The following OMA1 variants were observed in gnomAD, a reference collection of about 807,000 sequenced individuals.
OMA1 encodes metalloendopeptidase OMA1, mitochondrial.
In OMA1, 38 loss-of-function variants were observed where a neutral mutation model predicts 30.9. The ratio of observed to expected loss-of-function variants is 1.23; its 90% confidence interval spans 0.95 to 1.61. The LOEUF (loss-of-function observed/expected upper bound fraction) is 1.61, where lower values mean the gene tolerates loss of function less well. Ranked by LOEUF, OMA1 falls within the 40% of genes most tolerant of loss-of-function variation. OMA1 has a pLI of 0.00. For missense variants in OMA1, 461 were observed against 349.2 expected, an observed-to-expected ratio of 1.32 and a Z score of -2.55; for synonymous variants, 173 against 121.9, an observed-to-expected ratio of 1.42 and a Z score of -2.76.
chr1:58,492,116 A>G (rs1227233849), intron 8 of OMA1, among the ~76,000 whole-genome samples: 2 of 152,212 alleles, frequency 1.3e-5, no homozygotes, highest in African/African-American at 4.8e-5. Context: ...AAACCCACTC[A>G]AAACCACTCA....
rs1309574574 is a variant in OMA1 at position 58,497,338 on chromosome 1, A to AAGAT, written c.1365+8721_1365+8722insATCT. On this transcript the variant is annotated intron_variant, in intron 8 of 8. Coordinates refer to ENST00000371226, the MANE Select transcript of OMA1 (RefSeq NM_145243.5). ...ATCCTAATTTAAACAGGCCAACTGTAACACTGCTGAGATACAGAAATCTGA... is the reference window on the plus strand; with the variant it reads ...ATCCTAATTTAAACAGGCCAACTGTAAGATACACTGCTGAGATACAGAAATCTGA... 6.6e-4 allele frequency among the ~76,000 whole-genome samples: 101 copies of AAGAT among 152,334 alleles called. 2 individuals carry two copies. In the East Asian group the frequency reaches 0.012, roughly 18 times the overall value.
intron 7 of OMA1, among the ~76,000 whole-genome samples, chr1:58,507,622 T>C (rs1221178902): frequency 6.6e-6 from 1 of 152,030 alleles, no homozygotes; most frequent in Non-Finnish European, 1.5e-5. Flanking sequence ...GATAAATGTA[T>C]ATAACAAACA....
At chr1:58,518,164 C>T (rs1181692141) in intron 7 of OMA1, among the ~76,000 whole-genome samples, 1 of 129,766 alleles carries the variant, frequency 7.7e-6, no homozygotes, top group Non-Finnish European at 1.6e-5. Context: ...CCAGCCTGGG[C>T]AACAAAAGTG....
chr1:58,488,519 T>A (rs1645615991), intron 8 of OMA1, among the ~76,000 whole-genome samples: 1 of 152,184 alleles, frequency 6.6e-6, no homozygotes, highest in South Asian at 2.1e-4. Flanking sequence ...TGGCGCGATC[T>A]CAGATCACTG....
intron 7 of OMA1, among the ~76,000 whole-genome samples, chr1:58,521,992 T>C (rs925599125): frequency 2.0e-5 from 3 of 152,176 alleles, no homozygotes; most frequent in Admixed American, 6.5e-5. Context: ...CCTTTGAACA[T>C]AGGATAAACA....
chr1:58,496,501 T>C (rs1249292475), intron 8 of OMA1, among the ~76,000 whole-genome samples: 3 of 152,156 alleles, frequency 2.0e-5, no homozygotes, highest in Non-Finnish European at 4.4e-5. Flanking sequence ...AGATTTGGTT[T>C]TGTTTTTCGT....
intron 1 of OMA1, among the ~76,000 whole-genome samples, chr1:58,542,894 A>T (rs1284560829): frequency 6.6e-6 from 1 of 152,214 alleles, no homozygotes; most frequent in Non-Finnish European, 1.5e-5. Flanking sequence ...AGTATTCCGC[A>T]CAGGAATATA....
intron 8 of OMA1, among the ~76,000 whole-genome samples, chr1:58,505,827 A>C (rs1645979559): frequency 6.6e-6 from 1 of 152,216 alleles, no homozygotes; most frequent in Non-Finnish European, 1.5e-5. Flanking sequence ...TAAAGGAGTT[A>C]AACCTTCACT....
intron 8 of OMA1, among the ~76,000 whole-genome samples, chr1:58,500,792 TAAGTG>T (rs1297633864): frequency 6.6e-6 from 1 of 152,162 alleles, no homozygotes; most frequent in Non-Finnish European, 1.5e-5. Flanking sequence ...ACAGGGTTGG[TAAGTG>T]AAGTGGAGAA....
chr1:58,527,382 G>A (rs559898490), intron 6 of OMA1, 47 bp from the exon 7 acceptor site: 8 of 835,172 alleles, frequency 9.6e-6, no homozygotes, highest in Admixed American at 7.1e-5. Context: ...TTTATTTCAC[G>A]AAAAAAGGAG....
At chr1:58,502,530 T>A (rs1295639879) in intron 8 of OMA1, among the ~76,000 whole-genome samples, 1 of 152,182 alleles carries the variant, frequency 6.6e-6, no homozygotes, top group Admixed American at 6.5e-5. Flanking sequence ...GAACATAACT[T>A]CACCATACTG....
intron 8 of OMA1, among the ~76,000 whole-genome samples, chr1:58,491,406 A>G (rs1645686508): frequency 6.6e-6 from 1 of 152,204 alleles, no homozygotes; most frequent in Admixed American, 6.5e-5. Flanking sequence ...TCAAATTCAC[A>G]CATAACAATA....
At chr1:58,528,178 C>T (rs1569956406) in intron 6 of OMA1, among the ~76,000 whole-genome samples, 2 of 152,332 alleles carry the variant, frequency 1.3e-5, no homozygotes, top group South Asian at 4.1e-4. Flanking sequence ...TCATATAATG[C>T]CTTCACTCCC....
chr1:58,488,613 C>T (rs538499366), intron 8 of OMA1, among the ~76,000 whole-genome samples: 4 of 151,942 alleles, frequency 2.6e-5, no homozygotes, highest in East Asian at 3.9e-4. Context: ...CACCATGTCT[C>T]GCTAATTTTT....
At chr1:58,501,449 T>C (rs570513040) in intron 8 of OMA1, among the ~76,000 whole-genome samples, 6 of 152,330 alleles carry the variant, frequency 3.9e-5, no homozygotes, top group South Asian at 2.1e-4. Context: ...CCCTCCACTA[T>C]TGTCCCATCT....
chr1:58,507,853 T>C (rs1364206572), intron 7 of OMA1, among the ~76,000 whole-genome samples: 1 of 152,098 alleles, frequency 6.6e-6, no homozygotes, highest in African/African-American at 2.4e-5. Flanking sequence ...CTCAAATAAT[T>C]CATAAAAATA....
chr1:58,480,908 A>AAAAAGTATCATTT lies in OMA1; in HGVS notation c.*56_*57insAAATGATACTTTT. 1 of 758,422 alleles carries AAAAAGTATCATTT rather than the reference A, an allele frequency of 1.3e-6. No homozygotes were observed. The highest frequency in any genetic ancestry group is 2.5e-5 in the East Asian group (1 of 39,762). The allele number at this position is 758,422 out of a possible 1,614,324, so 47.0% of individuals were successfully genotyped here. ...CAAACATCATTTTTTAAAAAGTAAC[A>AAAAAGTATCATTT]TAAAATGATAAGGACTGCAACATTC... On this transcript the variant is annotated 3_prime_UTR_variant, in exon 9 of 9. Transcript: ENST00000371226.
chr1:58,528,159 T>C (rs1646380607), intron 6 of OMA1, among the ~76,000 whole-genome samples: 2 of 152,260 alleles, frequency 1.3e-5, no homozygotes, highest in Non-Finnish European at 2.9e-5. Context: ...TTTAGGTCAA[T>C]GATGTATATC....
intron 8 of OMA1, among the ~76,000 whole-genome samples, chr1:58,491,646 C>A (rs1336869458): frequency 6.6e-6 from 1 of 152,052 alleles, no homozygotes; most frequent in Non-Finnish European, 1.5e-5. Flanking sequence ...TTTAAACCAA[C>A]AAAGATCAAA....
Sources: allele counts gnomAD v4.1 joint callset (sites outside exome capture counted in the v4.1 genomes callset), GRCh38; gene constraint gnomAD v4.1.1; transcripts MANE v1.5; gene names NCBI Gene and HGNC (gene_info 2026-07-23, HGNC 2026-07-21).